The following PDS5A variants were observed in gnomAD, a reference collection of about 807,000 sequenced individuals.
PDS5A encodes the protein PDS5 cohesin associated factor A.
PDS5A carries 42 observed loss-of-function variants against 167.1 expected under a neutral mutation model. The ratio of observed to expected loss-of-function variants is 0.25; its 90% CI spans 0.20 to 0.33. The LOEUF (loss-of-function observed/expected upper bound fraction) is 0.33. Ranked by LOEUF, PDS5A falls within the 10% of genes least tolerant of loss-of-function variation. PDS5A has a pLI of 1.00. For synonymous variants in PDS5A, 553 were observed against 554.6 expected, an observed-to-expected ratio of 1.00 and a Z score of 0.04; for missense variants, 1,033 against 1,605.9, an observed-to-expected ratio of 0.64 and a Z score of 6.10.
Position 39,890,232 on chromosome 4 carries a change from T to C in PDS5A, c.1886+17A>G, listed in dbSNP as rs767477439. The C allele has an allele frequency of 7.7e-7, 1 of 1,303,924 alleles. No homozygotes were observed. The highest frequency in any genetic ancestry group is 1.1e-6 in the Non-Finnish European group (1 of 928,078). The allele number at this position is 1,303,924 out of a possible 1,614,324, so 80.8% of individuals were successfully genotyped here. A position where few individuals can be genotyped will look rare whatever the true frequency, so the allele number is the denominator to read the frequency against. On this transcript the variant is annotated intron_variant, in intron 17 of 32. Coordinates refer to ENST00000303538, the MANE Select transcript of PDS5A (RefSeq NM_001100399.2). ...AGATTATTATTTATTTTTGAGCGAA[T>C]ATACTTCTTGGCTTACCTTATGGCT...
At chr4:39,935,904 A>G (rs1330952737) in intron 2 of PDS5A, among the ~76,000 whole-genome samples, 3 of 152,228 alleles carry the variant, frequency 2.0e-5, no homozygotes, top group Non-Finnish European at 4.4e-5. Context: ...ATTTCACACA[A>G]ATACAAGTAC....
At chr4:39,897,338 T>G (rs1367995731) in intron 16 of PDS5A, among the ~76,000 whole-genome samples, 1 of 152,068 alleles carries the variant, frequency 6.6e-6, no homozygotes, top group Non-Finnish European at 1.5e-5. Context: ...GAGGTTGCAG[T>G]GAGGTGAGAT....
chr4:39,898,859 G>A, intron 14 of PDS5A, 34 bp from the exon 15 acceptor site: 15 of 1,414,592 alleles, frequency 1.1e-5, no homozygotes, highest in Non-Finnish European at 1.5e-5. Context: ...AGAACAACTA[G>A]TCATATGTGT....
At chr4:39,853,267 T>G (rs1434388147) in intron 26 of PDS5A, among the ~76,000 whole-genome samples, 1 of 152,218 alleles carries the variant, frequency 6.6e-6, no homozygotes, top group African/African-American at 2.4e-5. Flanking sequence ...TACACTTGCT[T>G]TGAAAAACTC....
At position 39,825,481 on chromosome 4, in the gene PDS5A, A is replaced by C. The variant is rs763481640; in HGVS notation, c.*4T>G. The stretch of plus-strand genomic sequence containing the variant: ...CTTCATTTTCTCCCTTTGCAAATGC[A>C]TTTTTACCTTAGGGTTAAGAATAGA... On this transcript the variant is annotated 3_prime_UTR_variant, in exon 33 of 33. Transcript: ENST00000303538. 6.3e-7 allele frequency: 1 copy of C among 1,581,804 alleles called. No individual in the cohort carries two copies. Among genetic ancestry groups the C allele is most frequent in the Admixed American group, 1.8e-5 (1 of 56,438 alleles).
intron 21 of PDS5A, among the ~76,000 whole-genome samples, chr4:39,871,519 A>T (rs1419565039): frequency 1.3e-5 from 2 of 152,172 alleles, no homozygotes; most frequent in African/African-American, 2.4e-5. Flanking sequence ...AGGTGTCTTT[A>T]AGTTCCTGAT....
chr4:39,951,835 G>A (rs188329062), intron 2 of PDS5A, among the ~76,000 whole-genome samples: 7 of 144,126 alleles, frequency 4.9e-5, no homozygotes, highest in African/African-American at 1.8e-4. Context: ...GGAAGGCAGA[G>A]GTTACAGTGA....
At chr4:39,943,471 C>T (rs1198349890) in intron 2 of PDS5A, among the ~76,000 whole-genome samples, 1 of 151,740 alleles carries the variant, frequency 6.6e-6, no homozygotes, top group East Asian at 1.9e-4. Flanking sequence ...TCCTGAACTC[C>T]AAACCCAATT....
At chr4:39,843,769 C>A (rs1257975935) in intron 30 of PDS5A, among the ~76,000 whole-genome samples, 2 of 152,016 alleles carry the variant, frequency 1.3e-5, no homozygotes, top group Non-Finnish European at 2.9e-5. Context: ...ATATTATTTT[C>A]TGTTAATTTT....
In PDS5A at chr4:39,838,049, G is replaced by A. The variant is rs748927296; in HGVS notation, c.3817C>T (p.Arg1273Ter). 6.2e-7 allele frequency: 1 copy of A among 1,613,890 alleles called. No individual in the cohort carries two copies. Among genetic ancestry groups the A allele is most frequent in the Non-Finnish European group, 8.5e-7 (1 of 1,179,878 alleles). ...TTGCCCTGAGATTCAGACTTGGGTC[G>A]ACGTCCTCTCCTGGGTTTGGAAGGG... ...PAPSKPRRGR[R>*]PKSESQGNAT... Residue 1273 changes from arginine (R) to a stop codon, truncating the protein, a stop_gained, in exon 32 of 33, where the codon CGA (arginine) becomes TGA (stop). Coordinates refer to ENST00000303538, the MANE Select transcript of PDS5A (RefSeq NM_001100399.2). LOFTEE classifies it high-confidence loss of function.
chr4:39,915,218 C>A (rs1413586619), intron 8 of PDS5A, among the ~76,000 whole-genome samples: 3 of 150,904 alleles, frequency 2.0e-5, no homozygotes, highest in African/African-American at 7.3e-5. Context: ...TTTTATTTTT[C>A]TATAGAGACA....
At chr4:39,926,479 T>C (rs1366546475) in intron 4 of PDS5A, among the ~76,000 whole-genome samples, 4 of 150,248 alleles carry the variant, frequency 2.7e-5, no homozygotes, top group African/African-American at 7.3e-5. Flanking sequence ...GATCACGCCA[T>C]TGCACTCCAG....
chr4:39,913,871 T>C (rs969647925), intron 8 of PDS5A, 145 bp from the exon 9 acceptor site: 51 of 607,852 alleles, frequency 8.4e-5, no homozygotes, highest in African/African-American at 4.2e-4. Flanking sequence ...TCACTTACTA[T>C]GCAGAAATTG....
At chr4:39,917,015 TAAAA>T in intron 8 of PDS5A, 29 bp downstream of exon 8, 2 of 1,119,104 alleles carry the variant, frequency 1.8e-6, no homozygotes, top group African/African-American at 1.8e-5. Flanking sequence ...ACAAAAAAAT[TAAAA>T]AAAAAAAAAG....
At chr4:39,843,119 C>T (rs935811023) in intron 30 of PDS5A, among the ~76,000 whole-genome samples, 2 of 151,398 alleles carry the variant, frequency 1.3e-5, no homozygotes, top group African/African-American at 2.4e-5. Context: ...CAGTGATTAT[C>T]CTTCCTCGGC....
At chr4:39,921,457 C>A (rs1408936319) in intron 6 of PDS5A, among the ~76,000 whole-genome samples, 1 of 151,852 alleles carries the variant, frequency 6.6e-6, no homozygotes, top group African/African-American at 2.4e-5. Flanking sequence ...GCTCTCAAGC[C>A]AGATGTGGTT....
chr4:39,930,755 G>C (rs1170769640), intron 2 of PDS5A, among the ~76,000 whole-genome samples: 1 of 151,960 alleles, frequency 6.6e-6, no homozygotes, highest in African/African-American at 2.4e-5. Flanking sequence ...AGTAAGACTG[G>C]TTTTATTTCT....
At chr4:39,831,458 C>T (rs1560409338) in intron 32 of PDS5A, among the ~76,000 whole-genome samples, 1 of 152,042 alleles carries the variant, frequency 6.6e-6, no homozygotes, top group Non-Finnish European at 1.5e-5. Context: ...TTGAGCTTGA[C>T]TTATAATAAG....
chr4:39,900,542 TAAC>T, intron 13 of PDS5A, 35 bp from the exon 14 acceptor site: 1 of 1,300,236 alleles, frequency 7.7e-7, no homozygotes, highest in Non-Finnish European at 1.1e-6. Context: ...ACACATTACA[TAAC>T]AATACTGGAA....
Sources: gnomAD v4.1 joint callset for allele counts (sites outside exome capture counted in the v4.1 genomes callset) on GRCh38, gnomAD v4.1.1 for gene constraint, MANE v1.5 for transcripts, NCBI Gene and HGNC (gene_info 2026-07-23, HGNC 2026-07-21) for gene names.